LRRK2: variants seen among roughly 807,000 people sequenced by gnomAD.
The protein encoded by LRRK2 is leucine-rich repeat serine/threonine-protein kinase 2.
Under a neutral mutation model 302.6 loss-of-function variants are expected in LRRK2, and 203 were observed. That is an observed-to-expected ratio of 0.67 (90% CI 0.60 to 0.75). The LOEUF (loss-of-function observed/expected upper bound fraction) is 0.75. Among genes scored for constraint, LRRK2 ranks in the 30% least tolerant of loss-of-function variants. The pLI is 0.00. For synonymous variants in LRRK2, 1,066 were observed against 1,031.9 expected, an observed-to-expected ratio of 1.03 and a Z score of -0.63; for missense variants, 2,830 against 2,951.0, an observed-to-expected ratio of 0.96 and a Z score of 0.95.
intron 20 of LRRK2, among the ~76,000 whole-genome samples, chr12:40,291,779 T>G (rs1944168358): frequency 6.6e-6 from 1 of 152,062 alleles, no homozygotes; most frequent in African/African-American, 2.4e-5. Context: ...TTCTTTCTAT[T>G]TATTGTATTT....
chr12:40,278,814 C>T (rs1244839877), intron 18 of LRRK2, among the ~76,000 whole-genome samples: 1 of 152,146 alleles, frequency 6.6e-6, no homozygotes, highest in Non-Finnish European at 1.5e-5. Flanking sequence ...TTGTTCTGCT[C>T]TCCCTTCAAA....
chr12:40,264,442 A>C (rs887306417), intron 14 of LRRK2, among the ~76,000 whole-genome samples: 11 of 152,132 alleles, frequency 7.2e-5, no homozygotes, highest in African/African-American at 1.4e-4. Flanking sequence ...AACATGGTGA[A>C]ACCCTGTCTC....
intron 3 of LRRK2, among the ~76,000 whole-genome samples, chr12:40,233,078 A>G (rs993035423): frequency 6.6e-6 from 1 of 152,176 alleles, no homozygotes; most frequent in African/African-American, 2.4e-5. Flanking sequence ...GTTAAAAAAT[A>G]TCTTCTAAGC....
chr12:40,297,483 A>T (rs1944427777), intron 23 of LRRK2, among the ~76,000 whole-genome samples: 1 of 152,214 alleles, frequency 6.6e-6, no homozygotes, highest in South Asian at 2.1e-4. Context: ...GAATAAGTTA[A>T]TGAGGGTCTG....
At chr12:40,278,337 C>T in intron 18 of LRRK2, 76 bp downstream of exon 18, 1 of 1,516,974 alleles carries the variant, frequency 6.6e-7, no homozygotes, top group Non-Finnish European at 9.1e-7. Flanking sequence ...TTGTGTATCT[C>T]TTACTTATAT....
chr12:40,333,187 A>G (rs1452888124), intron 39 of LRRK2, among the ~76,000 whole-genome samples: 1 of 152,082 alleles, frequency 6.6e-6, no homozygotes, highest in Non-Finnish European at 1.5e-5. Context: ...AGTTCTAACC[A>G]ACTGACATGG....
rs1942182744 is a variant in LRRK2 at position 40,250,003 on chromosome 12, C to T, written c.958+58C>T. 48 of 1,594,564 alleles carry T rather than the reference C, an allele frequency of 3.0e-5. 2 individuals carry two copies. The South Asian group carries it at 5.4e-4, about 18-fold the overall frequency. On this transcript the variant is annotated intron_variant, in intron 8 of 50. Transcript: ENST00000298910. ...AGAGGCATTTGACATCAAATATGAACATTGTAACAAGAGAATCATATGTAC... is the reference window on the plus strand; with the variant it reads ...AGAGGCATTTGACATCAAATATGAATATTGTAACAAGAGAATCATATGTAC...
At chr12:40,319,770 CTCCCTTAATT>C (rs1489707700) in intron 33 of LRRK2, among the ~76,000 whole-genome samples, 1 of 137,140 alleles carries the variant, frequency 7.3e-6, no homozygotes, top group Non-Finnish European at 1.6e-5. Flanking sequence ...TCCGAATTAA[CTCCCTTAATT>C]TAACAATTTT....
chr12:40,305,734 C>A (rs760760084), intron 27 of LRRK2, 51 bp from the exon 28 acceptor site: 1 of 1,527,480 alleles, frequency 6.5e-7, no homozygotes, highest in East Asian at 2.3e-5. Flanking sequence ...TTTGGCAGAG[C>A]ACATTTCTTC....
At chr12:40,287,605 C>A in intron 20 of LRRK2, 66 bp downstream of exon 20, 1 of 1,507,460 alleles carries the variant, frequency 6.6e-7, no homozygotes. Flanking sequence ...CAATAGGACC[C>A]AAGACAAAAA....
intron 10 of LRRK2, among the ~76,000 whole-genome samples, chr12:40,251,770 G>A (rs1000833828): frequency 1.3e-5 from 2 of 152,120 alleles, no homozygotes; most frequent in African/African-American, 4.8e-5. Flanking sequence ...TTGGAATCAA[G>A]GGTCATTTGG....
intron 7 of LRRK2, 97 bp downstream of exon 7, chr12:40,243,778 G>A: frequency 8.8e-7 from 1 of 1,132,904 alleles, no homozygotes; most frequent in Non-Finnish European, 1.3e-6. Context: ...GTAGCATATT[G>A]ACATACTTTG....
chr12:40,237,978 C>G lies in LRRK2; in HGVS notation c.446C>G (p.Thr149Ser), dbSNP rs199567598. The part of the protein sequence containing the change: ...LDLLLTSGKI[T>S]LLILDEESDI... ...ATTCTCTTTAAAATAGGTAAAATCA[C>G]CTTGCTGATATTGGATGAAGAAAGT... Residue 149 changes from threonine (T) to serine (S), a missense_variant, in exon 5 of 51, where the codon ACC becomes AGC. Thr to Ser is a moderately conservative substitution (Grantham distance 58, BLOSUM62 1). Around this residue, in one of 3 missense-constraint regions of LRRK2, gnomAD observed 2,121 missense variants for 2,148.0 expected, o/e 0.99. Transcript: ENST00000298910. 3.9e-5 allele frequency: 63 copies of G among 1,611,480 alleles called. No individual in the cohort carries two copies. The Middle Eastern group carries it at 8.3e-4, about 21-fold the overall frequency.
At chr12:40,279,966 A>G (rs1305044108) in intron 18 of LRRK2, among the ~76,000 whole-genome samples, 4 of 152,240 alleles carry the variant, frequency 2.6e-5, no homozygotes, top group Admixed American at 2.0e-4. Flanking sequence ...CCAAGAGGTT[A>G]CATATTGAAG....
intron 23 of LRRK2, among the ~76,000 whole-genome samples, chr12:40,296,911 T>G (rs972314020): frequency 3.9e-5 from 6 of 152,132 alleles, no homozygotes; most frequent in African/African-American, 1.4e-4. Flanking sequence ...TAACTGTCAC[T>G]TCATCACTCT....
rs576707814 is a variant in LRRK2 at position 40,257,468 on chromosome 12, A to G, written c.1418+91A>G. ...AAGCATATTTCTAACAATGAAAAGA[A>G]AAAGAAAAACATAAGACACTTGAAA... On this transcript the variant is annotated intron_variant, in intron 12 of 50. Transcript: ENST00000298910. 38 of 1,488,620 alleles carry G rather than the reference A, an allele frequency of 2.6e-5. No homozygotes were observed. In the East Asian group the frequency reaches 8.0e-4, roughly 31 times the overall value. The allele number at this position is 1,488,620 out of a possible 1,614,324, so 92.2% of individuals were successfully genotyped here. A position where few individuals can be genotyped will look rare whatever the true frequency, so the allele number is the denominator to read the frequency against.
At chr12:40,232,953 C>G (rs1024655865) in intron 3 of LRRK2, among the ~76,000 whole-genome samples, 4 of 152,140 alleles carry the variant, frequency 2.6e-5, no homozygotes, top group Non-Finnish European at 4.4e-5. Flanking sequence ...CAGTTTGCAG[C>G]ATAATGGCTT....
intron 16 of LRRK2, among the ~76,000 whole-genome samples, chr12:40,276,578 G>A (rs926026933): frequency 6.6e-6 from 1 of 152,178 alleles, no homozygotes; most frequent in Non-Finnish European, 1.5e-5. Flanking sequence ...TTACAGGCAT[G>A]AGCCACTGCA....
At chr12:40,346,629 C>G in intron 41 of LRRK2, 124 bp from the exon 42 acceptor site, 9 of 874,262 alleles carry the variant, frequency 1.0e-5, no homozygotes, top group Admixed American at 4.6e-5. Flanking sequence ...ATAAAAATAA[C>G]ACAGCCTGGT....
Sources: allele counts gnomAD v4.1 joint callset (sites outside exome capture counted in the v4.1 genomes callset), GRCh38; gene constraint gnomAD v4.1.1; regional missense constraint gnomAD v4.1.1; transcripts MANE v1.5; gene names NCBI Gene and HGNC (gene_info 2026-07-23, HGNC 2026-07-21).